The following RYK variants were observed in gnomAD, a reference collection of about 807,000 sequenced individuals.
The protein encoded by RYK is receptor like tyrosine kinase, also known as inactive tyrosine-protein kinase RYK.
Under a neutral mutation model 70.2 loss-of-function variants are expected in RYK, and 21 were observed. The ratio of observed to expected loss-of-function variants is 0.30; its 90% CI spans 0.21 to 0.43. The LOEUF is 0.43. Ranked by LOEUF, RYK falls within the 20% of genes least tolerant of loss-of-function variation. The probability of loss-of-function intolerance (pLI) is 1.00; values close to 1 mark genes in which losing one functional copy is unlikely to be tolerated. For synonymous variants in RYK, 267 were observed against 278.0 expected, an observed-to-expected ratio of 0.96 and a Z score of 0.39; for missense variants, 604 against 753.3, an observed-to-expected ratio of 0.80 and a Z score of 2.32.
In RYK at chr3:134,168,289, A is replaced by G. The variant is rs538704215; in HGVS notation, c.1575+7320T>C. ...TTACTGGGTATCTACCCAAAGGAGT[A>G]TAAATCATGCTGCTATAAAGACACA... On this transcript the variant is annotated intron_variant, in intron 13 of 14. Transcript: ENST00000623711. Among the ~76,000 whole-genome samples the G allele has an allele frequency of 3.7e-3, 561 of 152,342 alleles. 5 individuals are homozygous for G. Among genetic ancestry groups the G allele is most frequent in the African/African-American group, 0.013 (540 of 41,578 alleles).
intron 1 of RYK, among the ~76,000 whole-genome samples, chr3:134,233,633 T>C (rs2015123556): frequency 6.6e-6 from 1 of 152,192 alleles, no homozygotes; most frequent in Non-Finnish European, 1.5e-5. Flanking sequence ...CAACAGTTTA[T>C]CTTTCTTTGG....
chr3:134,171,711 A>T (rs142054129), intron 13 of RYK, among the ~76,000 whole-genome samples: 1 of 152,232 alleles, frequency 6.6e-6, no homozygotes, highest in East Asian at 1.9e-4. Flanking sequence ...TACAAAAAAT[A>T]AAAGAATTAG....
chr3:134,222,311 C>G, intron 2 of RYK, 107 bp downstream of exon 2: 1 of 1,126,826 alleles, frequency 8.9e-7, no homozygotes, highest in Non-Finnish European at 1.3e-6. Context: ...TATATCACAT[C>G]ACCAGCGGAC....
At chr3:134,203,320 C>T (rs577325222) in intron 5 of RYK, among the ~76,000 whole-genome samples, 6 of 152,212 alleles carry the variant, frequency 3.9e-5, no homozygotes, top group East Asian at 1.9e-4. Flanking sequence ...TGTACTCCAG[C>T]GTGGGCGACA....
intron 1 of RYK, among the ~76,000 whole-genome samples, chr3:134,222,951 C>T (rs939215333): frequency 6.6e-6 from 1 of 152,142 alleles, no homozygotes; most frequent in Non-Finnish European, 1.5e-5. Context: ...AAAGGCCCCT[C>T]GGATAAAACA....
chr3:134,219,078 A>T (rs1235035218), intron 2 of RYK, among the ~76,000 whole-genome samples: 1 of 152,216 alleles, frequency 6.6e-6, no homozygotes, highest in East Asian at 1.9e-4. Flanking sequence ...CCTGCCAAAG[A>T]GGTAACTTAG....
intron 2 of RYK, among the ~76,000 whole-genome samples, chr3:134,218,931 G>A (rs1379906309): frequency 6.6e-6 from 1 of 152,098 alleles, no homozygotes; most frequent in Non-Finnish European, 1.5e-5. Flanking sequence ...ATAGGAGAAG[G>A]AAACTAGGAT....
intron 3 of RYK, among the ~76,000 whole-genome samples, chr3:134,210,122 C>A (rs1444575908): frequency 6.6e-6 from 1 of 152,030 alleles, no homozygotes; most frequent in Non-Finnish European, 1.5e-5. Context: ...TTTAATACAC[C>A]ACTTTGTCTC....
intron 2 of RYK, among the ~76,000 whole-genome samples, chr3:134,217,740 AG>A (rs1184066044): frequency 2.0e-5 from 3 of 152,210 alleles, no homozygotes; most frequent in Admixed American, 2.0e-4. Context: ...GACTCAGGCA[AG>A]GGGAACTAAG....
At chr3:134,161,095 A>G (rs1365140296) in intron 13 of RYK, among the ~76,000 whole-genome samples, 1 of 152,226 alleles carries the variant, frequency 6.6e-6, no homozygotes, top group Admixed American at 6.5e-5. Context: ...ACAACTGAAC[A>G]TATTCTCTTA....
chr3:134,206,852 T>G (rs1205680803), intron 5 of RYK, among the ~76,000 whole-genome samples: 2 of 152,138 alleles, frequency 1.3e-5, no homozygotes, highest in African/African-American at 4.8e-5. Context: ...CTCTGAACTT[T>G]TATATACTTG....
At chr3:134,164,447 C>T (rs975144587) in intron 13 of RYK, among the ~76,000 whole-genome samples, 6 of 152,118 alleles carry the variant, frequency 3.9e-5, no homozygotes, top group African/African-American at 1.4e-4. Context: ...CCCAAGTACC[C>T]ACTAATTTGC....
At chr3:134,161,838 G>C (rs1435436422) in intron 13 of RYK, among the ~76,000 whole-genome samples, 1 of 151,088 alleles carries the variant, frequency 6.6e-6, no homozygotes, top group East Asian at 1.9e-4. Context: ...ATATAAATCT[G>C]TATTAGTTTT....
At chr3:134,175,498 C>A (rs1393671437) in intron 13 of RYK, 111 bp downstream of exon 13, 18 of 1,299,476 alleles carry the variant, frequency 1.4e-5, no homozygotes, top group Non-Finnish European at 1.1e-6. Flanking sequence ...TAAAAATTTC[C>A]GGGAACAGCT....
intron 2 of RYK, among the ~76,000 whole-genome samples, chr3:134,219,724 A>G (rs1176181690): frequency 1.3e-5 from 2 of 152,228 alleles, no homozygotes; most frequent in Non-Finnish European, 2.9e-5. Flanking sequence ...AAAATTCAGT[A>G]ACAACCACTC....
rs2014551517 is a variant in RYK, at chr3:134,216,360, TG to T, written c.355-4754del. On this transcript the variant is annotated intron_variant, in intron 2 of 14. Transcript: ENST00000623711. Reference sequence around the variant, plus strand: ...GCTGCTGGCCTCCAGCAGTGCCTGCTGGAACTCTGGACAAGTTCCCTGCAAC... The same window carrying T: ...GCTGCTGGCCTCCAGCAGTGCCTGCTGAACTCTGGACAAGTTCCCTGCAAC... Among the ~76,000 whole-genome samples the T allele has an allele frequency of 2.6e-5, 4 of 152,286 alleles. No individual in the cohort carries two copies. In the South Asian group the frequency reaches 8.3e-4, roughly 32 times the overall value.
intron 5 of RYK, among the ~76,000 whole-genome samples, chr3:134,204,492 C>T (rs1397931219): frequency 6.6e-6 from 1 of 151,820 alleles, no homozygotes; most frequent in Non-Finnish European, 1.5e-5. Context: ...AAGCAAGACT[C>T]CGTCTCAAAA....
At chr3:134,203,865 CTGAAA>C (rs531507081) in intron 5 of RYK, among the ~76,000 whole-genome samples, 15 of 152,214 alleles carry the variant, frequency 9.9e-5, no homozygotes, top group African/African-American at 1.2e-4. Context: ...ACTAAAGCTA[CTGAAA>C]TGTAGTTAGT....
Position 134,241,739 on chromosome 3 carries a change from G to A in RYK, c.232+8684C>T, listed in dbSNP as rs118023655. Among the ~76,000 whole-genome samples the A allele has an allele frequency of 7.9e-5, 12 of 152,292 alleles. No homozygotes were observed. The East Asian group carries it at 2.1e-3, about 27-fold the overall frequency. On this transcript the variant is annotated intron_variant, in intron 1 of 14. Transcript: ENST00000623711. ...AAAGGCAGCACAGTAGAGAAAGCACGCACTTTGGAGTCACATAGCCCCACA... is the reference window on the plus strand; with the variant it reads ...AAAGGCAGCACAGTAGAGAAAGCACACACTTTGGAGTCACATAGCCCCACA...
Sources: gnomAD v4.1 joint callset for allele counts (sites outside exome capture counted in the v4.1 genomes callset) on GRCh38, gnomAD v4.1.1 for gene constraint, MANE v1.5 for transcripts, NCBI Gene and HGNC (gene_info 2026-07-23, HGNC 2026-07-21) for gene names.